The following TPP2 variants were observed in gnomAD, a reference collection of about 807,000 sequenced individuals.
The protein encoded by TPP2 is tripeptidyl-peptidase 2.
In TPP2, 34 loss-of-function variants were observed where a neutral mutation model predicts 155.9. The ratio of observed to expected loss-of-function variants is 0.22; its 90% CI spans 0.17 to 0.29. The LOEUF is 0.29. TPP2 is among the 10% of genes least tolerant of loss of function. TPP2 has a pLI of 1.00. For missense variants in TPP2, 1,028 were observed against 1,522.3 expected, an observed-to-expected ratio of 0.68 and a Z score of 5.40; for synonymous variants, 510 against 529.4, an observed-to-expected ratio of 0.96 and a Z score of 0.50.
rs780338335 is a variant in TPP2, at chr13:102,643,330, G to A, written c.2129G>A (p.Cys710Tyr). The A allele has an allele frequency of 6.2e-7, 1 of 1,612,778 alleles. No individual in the cohort carries two copies. The highest frequency in any genetic ancestry group is 2.2e-5 in the East Asian group (1 of 44,790). ...CGAAGCCATGAATTCTATAAGTTTT[G>A]TTCTCTTCCAGAGAAAGGAACACTG... ...AYRSHEFYKF[C>Y]SLPEKGTLTE... The change falls in exon 17 of 30, where the codon TGT becomes TAT. Residue 710 changes from cysteine to tyrosine, a missense_variant. By Grantham distance (194) the Cys-to-Tyr change is radical. This residue lies in a region of TPP2 where 325 missense variants were observed against 463.7 expected (regional missense o/e 0.70). Transcript: ENST00000376052.
In TPP2 at chr13:102,622,898, A is replaced by T; in HGVS notation, c.642A>T (p.Glu214Asp). Residue 214 changes from glutamate to aspartate, a missense_variant, in exon 6 of 30, where the codon GAA becomes GAT. This residue lies in a region of TPP2 where 300 missense variants were observed against 398.3 expected (regional missense o/e 0.75). Transcript: ENST00000376052. ...ATAGAGCCTGCATTGATTCTAATGA[A>T]GATGGGGACTTGAGTAAATCTACCG... ...EVWRACIDSN[E>D]DGDLSKSTVL... is the part of the protein sequence containing the mutation. The T allele has an allele frequency of 6.2e-7, 1 of 1,612,234 alleles. No individual in the cohort carries two copies. The highest frequency in any genetic ancestry group is 8.5e-7 in the Non-Finnish European group (1 of 1,179,524).
intron 27 of TPP2, among the ~76,000 whole-genome samples, chr13:102,670,466 CA>C (rs373580236): frequency 0.011 from 1,702 of 152,202 alleles, 38 homozygotes; most frequent in African/African-American, 0.038. Context: ...GGTATGTGAG[CA>C]AAAAACTCAT....
chr13:102,639,574 G>A (rs930244103), intron 15 of TPP2, among the ~76,000 whole-genome samples: 5 of 152,060 alleles, frequency 3.3e-5, no homozygotes, highest in South Asian at 2.1e-4. Flanking sequence ...TATGTTAAAT[G>A]TCTCTGATGA....
intron 2 of TPP2, among the ~76,000 whole-genome samples, chr13:102,610,128 A>G (rs1462720379): frequency 1.3e-5 from 2 of 152,256 alleles, no homozygotes; most frequent in East Asian, 3.8e-4. Context: ...GATTCTGACT[A>G]GTTGCATCTC....
chr13:102,660,346 A>C (rs2139580349), intron 25 of TPP2, among the ~76,000 whole-genome samples: 1 of 152,320 alleles, frequency 6.6e-6, no homozygotes, highest in Non-Finnish European at 1.5e-5. Context: ...ACCTAAGTCC[A>C]AATATATCAA....
intron 24 of TPP2, among the ~76,000 whole-genome samples, chr13:102,654,548 A>G (rs1883722901): frequency 6.6e-6 from 1 of 152,156 alleles, no homozygotes; most frequent in South Asian, 2.1e-4. Flanking sequence ...CTGTACTAAA[A>G]CAATAGCAAA....
chr13:102,615,957 T>G (rs1209421853), intron 3 of TPP2, among the ~76,000 whole-genome samples: 1 of 150,376 alleles, frequency 6.6e-6, no homozygotes. Context: ...ATTAGAAACT[T>G]TTTTTTTTTT....
intron 14 of TPP2, among the ~76,000 whole-genome samples, chr13:102,638,009 T>C (rs142354759): frequency 6.7e-4 from 102 of 152,368 alleles, no homozygotes; most frequent in East Asian, 3.3e-3. Flanking sequence ...AATGCACTTA[T>C]TTTGTACCTG....
chr13:102,645,058 G>A, intron 19 of TPP2, 49 bp downstream of exon 19: 1 of 1,563,170 alleles, frequency 6.4e-7, no homozygotes, highest in South Asian at 1.2e-5. Flanking sequence ...TAGATTGGGG[G>A]GATCTCTTAC....
intron 11 of TPP2, among the ~76,000 whole-genome samples, 157 bp downstream of exon 11, chr13:102,634,255 G>A (rs147034759): frequency 1.3e-5 from 2 of 152,326 alleles, no homozygotes; most frequent in South Asian, 2.1e-4. Flanking sequence ...TAATTTGAAT[G>A]TGTGTTTATT....
intron 10 of TPP2, among the ~76,000 whole-genome samples, chr13:102,632,920 A>G (rs1471646783): frequency 6.6e-6 from 1 of 152,186 alleles, no homozygotes; most frequent in Non-Finnish European, 1.5e-5. Flanking sequence ...CCTAGTAGTA[A>G]TTGTTCTAAG....
At chr13:102,674,001 G>C (rs1885150352) in intron 27 of TPP2, among the ~76,000 whole-genome samples, 2 of 152,126 alleles carry the variant, frequency 1.3e-5, no homozygotes, top group South Asian at 4.1e-4. Context: ...AAAAAATTTA[G>C]AATAGTGATT....
At chr13:102,598,828 C>T (rs1036202991) in intron 1 of TPP2, among the ~76,000 whole-genome samples, 2 of 152,146 alleles carry the variant, frequency 1.3e-5, no homozygotes, top group Non-Finnish European at 2.9e-5. Context: ...TAATTTTCAC[C>T]CCACAGCCTT....
chr13:102,656,688 ATCTTT>A (rs1883880810), intron 24 of TPP2, among the ~76,000 whole-genome samples: 1 of 152,164 alleles, frequency 6.6e-6, no homozygotes, highest in Admixed American at 6.5e-5. Flanking sequence ...TACTTAGAGA[ATCTTT>A]TCTTAGTTTG....
intron 2 of TPP2, among the ~76,000 whole-genome samples, chr13:102,609,899 T>G (rs2139427266): frequency 1.3e-5 from 2 of 152,252 alleles, no homozygotes; most frequent in Middle Eastern, 3.4e-3. Flanking sequence ...TCAGCTTTTC[T>G]CTGGTTCAGC....
At chr13:102,665,919 A>G (rs751206457) in intron 27 of TPP2, among the ~76,000 whole-genome samples, 2 of 152,194 alleles carry the variant, frequency 1.3e-5, no homozygotes, top group African/African-American at 4.8e-5. Context: ...CTTACAAGCA[A>G]TAATTTTCAA....
intron 10 of TPP2, among the ~76,000 whole-genome samples, chr13:102,633,389 T>C (rs1215822815): frequency 6.6e-6 from 1 of 152,230 alleles, no homozygotes; most frequent in Non-Finnish European, 1.5e-5. Context: ...AAAAACAATG[T>C]AAACTAATTC....
intron 5 of TPP2, among the ~76,000 whole-genome samples, chr13:102,619,259 G>A (rs1187763305): frequency 6.6e-6 from 1 of 152,048 alleles, no homozygotes; most frequent in East Asian, 1.9e-4. Context: ...TAATAATAAT[G>A]CGATTTATAC....
intron 3 of TPP2, 149 bp from the exon 4 acceptor site, chr13:102,616,247 A>G: frequency 1.8e-6 from 1 of 548,532 alleles, no homozygotes; most frequent in Non-Finnish European, 3.0e-6. Flanking sequence ...GTGAGCCACC[A>G]CACCCGGCCA....
Sources: gnomAD v4.1 joint callset for allele counts (sites outside exome capture counted in the v4.1 genomes callset) on GRCh38, gnomAD v4.1.1 for gene constraint, gnomAD v4.1.1 regional missense constraint, MANE v1.5 for transcripts, NCBI Gene and HGNC (gene_info 2026-07-23, HGNC 2026-07-21) for gene names.